CNBD1: variants seen among roughly 807,000 people sequenced by gnomAD.
The protein encoded by CNBD1 is cyclic nucleotide-binding domain-containing protein 1.
Under a neutral mutation model 54.4 loss-of-function variants are expected in CNBD1, and 71 were observed. The observed-to-expected ratio is 1.30, with a 90% CI of 1.08 to 1.59. The LOEUF is 1.59. CNBD1 is among the 40% of genes most tolerant of loss of function. The pLI, the probability that CNBD1 is intolerant of heterozygous loss-of-function variation, is 0.00. For synonymous variants in CNBD1, 182 were observed against 170.7 expected (o/e 1.07, Z -0.51); for missense variants, 659 against 518.0 (o/e 1.27, Z -2.64).
intron 4 of CNBD1, among the ~76,000 whole-genome samples, chr8:86,948,621 TAC>T (rs1563833051): frequency 6.6e-6 from 1 of 152,302 alleles, no homozygotes; most frequent in Non-Finnish European, 1.5e-5. Context: ...AATTCTTTCT[TAC>T]AGAGTTTTTT....
intron 4 of CNBD1, among the ~76,000 whole-genome samples, chr8:87,021,276 AT>A (rs34040305): frequency 0.031 from 4,673 of 150,224 alleles, 245 homozygotes; most frequent in African/African-American, 0.11. Context: ...AATGTTAAAT[AT>A]TTTTTTTTTA....
At chr8:87,099,874 C>T (rs930261036) in intron 4 of CNBD1, among the ~76,000 whole-genome samples, 3 of 152,080 alleles carry the variant, frequency 2.0e-5, no homozygotes, top group Admixed American at 2.0e-4. Context: ...ATTTTTAAAG[C>T]AACTAGATTA....
chr8:87,382,306 T>C (rs1811094158), intron 10 of CNBD1, among the ~76,000 whole-genome samples: 1 of 151,858 alleles, frequency 6.6e-6, no homozygotes, highest in South Asian at 2.1e-4. Flanking sequence ...AGAAAATAAT[T>C]ATCAATTTAA....
chr8:87,137,350 C>T (rs1048620698), intron 4 of CNBD1, among the ~76,000 whole-genome samples: 1 of 151,252 alleles, frequency 6.6e-6, no homozygotes, highest in Non-Finnish European at 1.5e-5. Flanking sequence ...GCGCCAGCCA[C>T]CATGCCAGGC....
intron 2 of CNBD1, 69 bp from the exon 3 acceptor site, chr8:86,905,012 T>C: frequency 2.3e-6 from 2 of 857,318 alleles, no homozygotes; most frequent in Non-Finnish European, 3.8e-6. Context: ...ATATATTGAG[T>C]TAAAAATCTT....
At chr8:87,217,281 T>A (rs572831698) in intron 5 of CNBD1, among the ~76,000 whole-genome samples, 2 of 152,212 alleles carry the variant, frequency 1.3e-5, no homozygotes, top group South Asian at 4.1e-4. Context: ...TCTAATAAGA[T>A]GTATTGGCTA....
intron 10 of CNBD1, among the ~76,000 whole-genome samples, chr8:87,370,349 G>C (rs995421783): frequency 6.6e-6 from 1 of 152,140 alleles, no homozygotes; most frequent in Non-Finnish European, 1.5e-5. Context: ...CATCAACAGT[G>C]TAAAAGTGTT....
chr8:87,305,973 A>T (rs1809133028), intron 8 of CNBD1, among the ~76,000 whole-genome samples: 3 of 152,212 alleles, frequency 2.0e-5, no homozygotes, highest in Non-Finnish European at 4.4e-5. Flanking sequence ...CAGACAACCC[A>T]CAGAGTGGGA....
chr8:87,418,797 A>G (rs1186652747), intron 2 of CNBD1, among the ~76,000 whole-genome samples: 1 of 151,976 alleles, frequency 6.6e-6, no homozygotes, highest in East Asian at 1.9e-4. Flanking sequence ...TAAAATATAG[A>G]CAGTAATAAA....
At chr8:87,086,617 T>A (rs1409435723) in intron 4 of CNBD1, among the ~76,000 whole-genome samples, 1 of 152,182 alleles carries the variant, frequency 6.6e-6, no homozygotes, top group Non-Finnish European at 1.5e-5. Context: ...TAGAGCAATG[T>A]GAATATTATA....
chr8:87,041,884 G>A (rs1810079165), intron 4 of CNBD1, among the ~76,000 whole-genome samples: 1 of 152,164 alleles, frequency 6.6e-6, no homozygotes, highest in African/African-American at 2.4e-5. Flanking sequence ...GTTTGTTACT[G>A]GGTGGACTAG....
At chr8:86,945,297 C>T (rs527503609) in intron 4 of CNBD1, among the ~76,000 whole-genome samples, 46 of 152,186 alleles carry the variant, frequency 3.0e-4, no homozygotes, top group Non-Finnish European at 5.9e-4. Flanking sequence ...CTCCAATTAA[C>T]GATGTTTCCT....
At chr8:87,301,068 C>A (rs936721192) in intron 8 of CNBD1, among the ~76,000 whole-genome samples, 2 of 152,090 alleles carry the variant, frequency 1.3e-5, no homozygotes, top group Admixed American at 1.3e-4. Flanking sequence ...CTACTATGAA[C>A]ACCTTTACAT....
chr8:87,002,522 C>T (rs1334028289), intron 4 of CNBD1, among the ~76,000 whole-genome samples: 1 of 151,980 alleles, frequency 6.6e-6, no homozygotes, highest in African/African-American at 2.4e-5. Context: ...ATGTGGTCTT[C>T]TTGCTGTTTC....
At chr8:87,069,499 T>C (rs1347080106) in intron 4 of CNBD1, among the ~76,000 whole-genome samples, 1 of 152,068 alleles carries the variant, frequency 6.6e-6, no homozygotes, top group African/African-American at 2.4e-5. Flanking sequence ...AGGTTTATAG[T>C]CCAGGAGCAA....
chr8:87,413,638 T>C (rs1807786162), intron 2 of CNBD1, among the ~76,000 whole-genome samples: 1 of 152,106 alleles, frequency 6.6e-6, no homozygotes, highest in Non-Finnish European at 1.5e-5. Flanking sequence ...AAAGGGCTAA[T>C]ATCCAGAATC....
intron 6 of CNBD1, among the ~76,000 whole-genome samples, chr8:87,276,416 A>T (rs924150403): frequency 6.6e-6 from 1 of 151,836 alleles, no homozygotes; most frequent in African/African-American, 2.4e-5. Context: ...CTCCACCTTT[A>T]TGAGAAAAGG....
chr8:86,948,736 C>T (rs1367830053), intron 4 of CNBD1, among the ~76,000 whole-genome samples: 1 of 151,990 alleles, frequency 6.6e-6, no homozygotes, highest in Non-Finnish European at 1.5e-5. Context: ...TGATTGTTTC[C>T]CTCACTGTGC....
Position 86,879,634 on chromosome 8 carries a change from G to A in CNBD1, c.89-7908G>A, listed in dbSNP as rs375843793. On this transcript the variant is annotated intron_variant, in intron 1 of 10. Transcript: ENST00000518476. ...TGCCTGTAATTCCAGCACTTTGGGA[G>A]GCCAAGGCGGGTGGATCATGAGGTC... Among the ~76,000 whole-genome samples the A allele has an allele frequency of 1.2e-3, 190 of 152,322 alleles. 2 individuals carry two copies. The Middle Eastern group carries it at 0.024, about 19-fold the overall frequency.
Sources: gnomAD v4.1 joint callset for allele counts (sites outside exome capture counted in the v4.1 genomes callset) on GRCh38, gnomAD v4.1.1 for gene constraint, MANE v1.5 for transcripts, NCBI Gene and HGNC (gene_info 2026-07-23, HGNC 2026-07-21) for gene names.